The following COL5A1 variants were observed in gnomAD, a reference collection of about 807,000 sequenced individuals.
COL5A1 encodes collagen alpha-1(V) chain.
Under a neutral mutation model 263.7 loss-of-function variants are expected in COL5A1, and 16 were observed. The observed-to-expected ratio is 0.06, with a 90% confidence interval of 0.04 to 0.09. COL5A1 has a LOEUF of 0.09. Ranked by LOEUF, COL5A1 falls within the 10% of genes least tolerant of loss-of-function variation. The pLI is 1.00. For missense variants in COL5A1, 2,036 were observed against 2,540.5 expected (o/e 0.80, Z 4.27); for synonymous variants, 1,012 against 1,004.5 (o/e 1.01, Z -0.14).
intron 1 of COL5A1, among the ~76,000 whole-genome samples, chr9:134,664,972 A>C (rs1832312728): frequency 6.6e-6 from 1 of 151,978 alleles, no homozygotes; most frequent in Non-Finnish European, 1.5e-5. Context: ...GCTGAGGCAG[A>C]CAGATCACTT....
intron 1 of COL5A1, among the ~76,000 whole-genome samples, chr9:134,662,935 T>C (rs922644262): frequency 6.6e-6 from 1 of 152,242 alleles, no homozygotes; most frequent in Non-Finnish European, 1.5e-5. Context: ...GAGTGTTTGC[T>C]GCACAGCTAC....
intron 64 of COL5A1, chr9:134,830,383 T>C (rs1839560589): frequency 1.6e-6 from 1 of 615,340 alleles, no homozygotes; most frequent in African/African-American, 1.8e-5. Flanking sequence ...CTGCCTGGAG[T>C]AGGCAGATGG....
Position 134,642,089 on chromosome 9 carries a change from G to A in COL5A1, c.-99G>A. On this transcript the variant is annotated 5_prime_UTR_variant, in exon 1 of 66. Coordinates refer to ENST00000371817, the MANE Select transcript of COL5A1 (RefSeq NM_000093.5). The surrounding 1 kb of genome is among the most constrained non-coding windows in gnomAD (Gnocchi z 4.5). ...CCCCATGACCTCCTAAAGTGGTGCG[G>A]TCCCTGCTGAGTGCGCTGCCCGGGC... The A allele has an allele frequency of 9.5e-7, 1 of 1,052,454 alleles. No individual in the cohort carries two copies. Among genetic ancestry groups the A allele is most frequent in the Non-Finnish European group, 1.2e-6 (1 of 825,064 alleles). The allele number at this position is 1,052,454 out of a possible 1,614,324, so 65.2% of individuals were successfully genotyped here.
intron 21 of COL5A1, 40 bp from the exon 22 acceptor site, chr9:134,766,414 G>A (rs201080771): frequency 1.8e-5 from 29 of 1,605,936 alleles, no homozygotes; most frequent in African/African-American, 8.0e-5. Flanking sequence ...GAGTTCTTTC[G>A]CATTCAGTTA....
chr9:134,730,532 T>C, intron 7 of COL5A1, 57 bp downstream of exon 7: 1 of 1,609,314 alleles, frequency 6.2e-7, no homozygotes, highest in Non-Finnish European at 8.5e-7. Context: ...GGGCCAGGGC[T>C]GGGGCCACAA....
chr9:134,737,062 G>A lies in COL5A1; in HGVS notation c.1390-1412G>A, dbSNP rs371268430. On this transcript the variant is annotated intron_variant, in intron 9 of 65. Coordinates refer to ENST00000371817, the MANE Select transcript of COL5A1 (RefSeq NM_000093.5). ...CAGGCTGGCGCTGTATGCTGGTGAC[G>A]CTACAGTCCTGGGGTCTCAATGGTG... is the stretch of plus-strand genomic sequence containing the variant. Among the ~76,000 whole-genome samples, 14 of 152,308 alleles carry A rather than the reference G, an allele frequency of 9.2e-5. No individual in the cohort carries two copies. The East Asian group carries it at 1.9e-3, about 21-fold the overall frequency.
In COL5A1 at chr9:134,647,786, C is replaced by T. The variant is rs1831525999; in HGVS notation, c.109+5490C>T. Among the ~76,000 whole-genome samples, 1 of 152,198 alleles carries T rather than the reference C, an allele frequency of 6.6e-6. No individual in the cohort carries two copies. The highest frequency in any genetic ancestry group is 2.4e-5 in the African/African-American group (1 of 41,442). On this transcript the variant is annotated intron_variant, in intron 1 of 65. Transcript: ENST00000371817. This position sits in a 1 kb window ranked among gnomAD's most constrained non-coding sequence, Gnocchi z 5.0. Reference sequence around the variant, plus strand: ...ATGGCTCCCGCTTCTCCTCTATTTACATTCTCCCATATAATTGACTCGTCT... The same window carrying T: ...ATGGCTCCCGCTTCTCCTCTATTTATATTCTCCCATATAATTGACTCGTCT...
At chr9:134,837,207 G>A (rs935593012) in intron 65 of COL5A1, among the ~76,000 whole-genome samples, 1 of 152,176 alleles carries the variant, frequency 6.6e-6, no homozygotes, top group Admixed American at 6.5e-5. Context: ...CTGTAAAGGC[G>A]AGGCAGGACC....
chr9:134,772,357 C>T (rs1836891988), intron 25 of COL5A1, among the ~76,000 whole-genome samples: 1 of 152,250 alleles, frequency 6.6e-6, no homozygotes, highest in South Asian at 2.1e-4. Flanking sequence ...TGTGCAGATT[C>T]ATCTTGTCAG....
intron 65 of COL5A1, among the ~76,000 whole-genome samples, chr9:134,840,915 G>A (rs1840004229): frequency 6.6e-6 from 1 of 152,218 alleles, no homozygotes; most frequent in Admixed American, 6.5e-5. Flanking sequence ...GGAACATTAA[G>A]ATCATAGTCA....
At chr9:134,761,342 T>A (rs940837660) in intron 18 of COL5A1, among the ~76,000 whole-genome samples, 3 of 152,172 alleles carry the variant, frequency 2.0e-5, no homozygotes, top group African/African-American at 7.2e-5. Flanking sequence ...CTCTGTTGAT[T>A]GCTCCCGTAA....
chr9:134,803,774 C>G (rs551834569), intron 39 of COL5A1, among the ~76,000 whole-genome samples: 1 of 151,728 alleles, frequency 6.6e-6, no homozygotes, highest in Non-Finnish European at 1.5e-5. Flanking sequence ...ACTCGGGGGG[C>G]GGAGCTTGCA....
At chr9:134,802,621 C>G (rs1347111635) in intron 38 of COL5A1, among the ~76,000 whole-genome samples, 1 of 152,226 alleles carries the variant, frequency 6.6e-6, no homozygotes, top group East Asian at 1.9e-4. Flanking sequence ...CCCAGGAAGG[C>G]AGGCTTGGCC....
In COL5A1 at chr9:134,680,069, G is replaced by A. The variant is rs1009647815; in HGVS notation, c.110-10843G>A. On this transcript the variant is annotated intron_variant, in intron 1 of 65. Coordinates refer to ENST00000371817, the MANE Select transcript of COL5A1 (RefSeq NM_000093.5). This position sits in a 1 kb window ranked among gnomAD's most constrained non-coding sequence, Gnocchi z 5.9. ...CTTTGCACAGAGAATCTCATAATAA[G>A]CAATGCAGTGAGAGCAGTGACACTG... is the stretch of plus-strand genomic sequence containing the variant. Among the ~76,000 whole-genome samples, 21 of 152,072 alleles carry A rather than the reference G, an allele frequency of 1.4e-4. No homozygotes were observed. Among genetic ancestry groups the A allele is most frequent in the African/African-American group, 5.1e-4 (21 of 41,382 alleles).
intron 27 of COL5A1, among the ~76,000 whole-genome samples, chr9:134,775,860 T>G (rs1357688935): frequency 6.6e-6 from 1 of 152,198 alleles, no homozygotes; most frequent in Non-Finnish European, 1.5e-5. Flanking sequence ...TTTTCAAACA[T>G]TGTTGCACAT....
At chr9:134,817,291 G>A (rs995390426) in intron 53 of COL5A1, among the ~76,000 whole-genome samples, 13 of 152,324 alleles carry the variant, frequency 8.5e-5, no homozygotes, top group African/African-American at 1.7e-4. Flanking sequence ...AGGACAGGCC[G>A]CCTGCTGACA....
intron 13 of COL5A1, among the ~76,000 whole-genome samples, chr9:134,752,186 G>A (rs181692165): frequency 1.3e-4 from 20 of 152,328 alleles, no homozygotes; most frequent in African/African-American, 4.6e-4. Flanking sequence ...AATAAAATAT[G>A]TCATGACTCA....
At position 134,727,205 on chromosome 9, in the gene COL5A1, C is replaced by T. The variant is rs1177638280; in HGVS notation, c.655-61C>T. On this transcript the variant is annotated intron_variant, in intron 4 of 65. Coordinates refer to ENST00000371817, the MANE Select transcript of COL5A1 (RefSeq NM_000093.5). ...TGCTTCAAGGCATGGGGCTGTGTCTCCCAGGTCCCCATGCGAGTGCTCTGT... is the reference window on the plus strand; with the variant it reads ...TGCTTCAAGGCATGGGGCTGTGTCTTCCAGGTCCCCATGCGAGTGCTCTGT... 2.5e-6 allele frequency: 4 copies of T among 1,585,994 alleles called. No homozygotes were observed. In the South Asian group the frequency reaches 3.3e-5, roughly 13 times the overall value.
chr9:134,728,334 A>G (rs1358906629), intron 5 of COL5A1, among the ~76,000 whole-genome samples: 1 of 152,238 alleles, frequency 6.6e-6, no homozygotes, highest in Non-Finnish European at 1.5e-5. Flanking sequence ...TGCTGGAGAC[A>G]TGGTGACGGC....
Sources: gnomAD v4.1 joint callset for allele counts (sites outside exome capture counted in the v4.1 genomes callset) on GRCh38, gnomAD v4.1.1 for gene constraint, Gnocchi (gnomAD v3.1) non-coding constraint, MANE v1.5 for transcripts, NCBI Gene and HGNC (gene_info 2026-07-23, HGNC 2026-07-21) for gene names.